The following UBR4 variants were observed in gnomAD, a reference collection of about 807,000 sequenced individuals.
UBR4 encodes the protein ubiquitin protein ligase E3 component n-recognin 4.
In UBR4, 124 loss-of-function variants were observed where a neutral mutation model predicts 575.6. That is an observed-to-expected ratio of 0.22 (90% CI 0.19 to 0.25). The LOEUF (loss-of-function observed/expected upper bound fraction) is 0.25. UBR4 is among the 10% of genes least tolerant of loss of function. The pLI is 1.00. For synonymous variants in UBR4, 2,455 were observed against 2,473.7 expected, an observed-to-expected ratio of 0.99 and a Z score of 0.22; for missense variants, 4,818 against 6,478.8, an observed-to-expected ratio of 0.74 and a Z score of 8.80.
Position 19,146,849 on chromosome 1 carries a change from G to T in UBR4, c.7781C>A (p.Ser2594Ter). Residue 2594 changes from serine to a stop codon, truncating the protein, a stop_gained, in exon 52 of 106, where the codon TCA becomes TAA. Transcript: ENST00000375254. LOFTEE classifies it high-confidence loss of function. Reference protein sequence around the residue: ...RPNNLVHFTESKLPQMETEGM... With the variant: ...RPNNLVHFTE ...ACCTGTTTCCATCTGGGGCAGCTTT[G>T]ACTCCGTAAAGTGGACAAGGTTGTT... The T allele has an allele frequency of 6.2e-7, 1 of 1,613,802 alleles. No individual in the cohort carries two copies. Among genetic ancestry groups the T allele is most frequent in the South Asian group, 1.1e-5 (1 of 91,014 alleles).
At position 19,084,843 on chromosome 1, in the gene UBR4, G is replaced by A. The variant is rs1202033013; in HGVS notation, c.14814-145C>T. The A allele has an allele frequency of 1.4e-5, 11 of 778,174 alleles. No individual in the cohort carries two copies. The East Asian group carries it at 2.8e-4, about 20-fold the overall frequency. 48.2% of individuals were successfully genotyped at this position (778,174 alleles called of 1,614,324 possible). The stretch of plus-strand genomic sequence containing the variant: ...AGACAAGAATACAAGGGAAAGTTGA[G>A]GCCAAGGCTGGGGCCAGCAGGACGA... On this transcript the variant is annotated intron_variant, in intron 101 of 105. Coordinates refer to ENST00000375254, the MANE Select transcript of UBR4 (RefSeq NM_020765.3).
chr1:19,171,431 T>C (rs1374947075), intron 25 of UBR4, among the ~76,000 whole-genome samples: 1 of 152,106 alleles, frequency 6.6e-6, no homozygotes, highest in African/African-American at 2.4e-5. Flanking sequence ...TCAAACAAAT[T>C]TGAGCCAAAA....
chr1:19,203,959 G>A (rs1458331705), intron 1 of UBR4, among the ~76,000 whole-genome samples: 2 of 151,866 alleles, frequency 1.3e-5, no homozygotes, highest in Non-Finnish European at 2.9e-5. Context: ...AAATCCCCCT[G>A]TTTCTACCTC....
intron 102 of UBR4, 58 bp downstream of exon 102, chr1:19,084,446 G>C: frequency 6.6e-7 from 1 of 1,523,112 alleles, no homozygotes; most frequent in South Asian, 1.3e-5. Context: ...GGGGATCTCG[G>C]GCAGAGGGAT....
intron 49 of UBR4, among the ~76,000 whole-genome samples, chr1:19,148,975 A>C (rs1165548346): frequency 6.6e-6 from 1 of 152,220 alleles, no homozygotes; most frequent in East Asian, 1.9e-4. Flanking sequence ...CCCAAAGCTC[A>C]GCTGCCCAGA....
At position 19,121,944 on chromosome 1, in the gene UBR4, G is replaced by C; in HGVS notation, c.9885C>G (p.Ile3295Met). ...QRTINWQKFCIKDDSVLYFLL... is the reference protein window; with the variant it reads ...QRTINWQKFCMKDDSVLYFLL... ...AGCAGCATTGCTTACAGTCATCTTT[G>C]ATGCAGAATTTCTGCCAGTTGATGG... The change falls in exon 67 of 106, where the codon ATC (isoleucine) becomes ATG (methionine). Residue 3295 changes from isoleucine to methionine, a missense_variant. By Grantham distance (10) the Ile-to-Met change is conservative. This residue lies in a region of UBR4 where 550 missense variants were observed against 791.5 expected (regional missense o/e 0.69). Transcript: ENST00000375254. 1 of 1,614,168 alleles carries C rather than the reference G, an allele frequency of 6.2e-7. No homozygotes were observed. Among genetic ancestry groups the C allele is most frequent in the African/African-American group, 1.3e-5 (1 of 75,052 alleles).
rs751993289 is a variant in UBR4, at chr1:19,146,871, T to G, written c.7759A>C (p.Asn2587His). The change falls in exon 52 of 106, where the codon AAC becomes CAC. Residue 2587 changes from asparagine (N) to histidine (H), a missense_variant. By Grantham distance (68) the Asn-to-His change is moderately conservative. This residue lies in a region of UBR4 where 340 missense variants were observed against 375.4 expected (regional missense o/e 0.91). Coordinates refer to ENST00000375254, the MANE Select transcript of UBR4 (RefSeq NM_020765.3). ...TTTGACTCCGTAAAGTGGACAAGGT[T>G]GTTGGGGCGCATGATGGCAATGGAG... ...ARSIAIMRPNNLVHFTESKLP... is the reference protein window; with the variant it reads ...ARSIAIMRPNHLVHFTESKLP... The G allele has an allele frequency of 1.2e-6, 2 of 1,613,986 alleles. No individual in the cohort carries two copies. The highest frequency in any genetic ancestry group is 1.7e-6 in the Non-Finnish European group (2 of 1,179,984).
At chr1:19,121,088 A>G in intron 68 of UBR4, 101 bp downstream of exon 68, 1 of 1,496,760 alleles carries the variant, frequency 6.7e-7, no homozygotes, top group Non-Finnish European at 9.0e-7. Flanking sequence ...AGTCCCCTCT[A>G]AATCAGGATT....
chr1:19,113,862 A>C (rs1231987577), intron 76 of UBR4, 35 bp from the exon 77 acceptor site: 3 of 1,613,970 alleles, frequency 1.9e-6, no homozygotes, highest in African/African-American at 1.3e-5. Flanking sequence ...CAGGCTCCCC[A>C]CCTAAGGTGA....
In UBR4 at chr1:19,093,830, G is replaced by A. The variant is rs2077762923; in HGVS notation, c.13937+119C>T. ...CCCAACTAGACTGAGCTCCTTAAAAGCCAGAACGAGGACACAAAAATCTAA... is the reference window on the plus strand; with the variant it reads ...CCCAACTAGACTGAGCTCCTTAAAAACCAGAACGAGGACACAAAAATCTAA... On this transcript the variant is annotated intron_variant, in intron 95 of 105. Transcript: ENST00000375254. The surrounding 1 kb of genome is among the most constrained non-coding windows in gnomAD (Gnocchi z 4.8). The A allele has an allele frequency of 8.3e-7, 1 of 1,201,740 alleles. No individual in the cohort carries two copies. Among genetic ancestry groups the A allele is most frequent in the African/African-American group, 1.5e-5 (1 of 64,986 alleles). 74.4% of individuals were successfully genotyped at this position (1,201,740 alleles called of 1,614,324 possible). A position where few individuals can be genotyped will look rare whatever the true frequency, so the allele number is the denominator to read the frequency against.
At chr1:19,097,986 G>A (rs928124002) in intron 90 of UBR4, among the ~76,000 whole-genome samples, 2 of 152,204 alleles carry the variant, frequency 1.3e-5, no homozygotes, top group African/African-American at 2.4e-5. Flanking sequence ...AAAGTTCCCT[G>A]TATGTCTGGC....
chr1:19,195,252 G>A (rs575903795), intron 8 of UBR4, among the ~76,000 whole-genome samples: 10 of 123,268 alleles, frequency 8.1e-5, no homozygotes, highest in Non-Finnish European at 1.6e-4. Flanking sequence ...GCGACTGAGC[G>A]AGACTCCATC....
intron 93 of UBR4, among the ~76,000 whole-genome samples, chr1:19,095,255 T>C (rs777319684): frequency 1.3e-5 from 2 of 152,204 alleles, no homozygotes; most frequent in Non-Finnish European, 2.9e-5. Flanking sequence ...TCTTTCCCAC[T>C]GGTGTGTAGT....
At chr1:19,091,902 G>A (rs1369552789) in intron 97 of UBR4, among the ~76,000 whole-genome samples, 3 of 151,904 alleles carry the variant, frequency 2.0e-5, no homozygotes, top group Non-Finnish European at 2.9e-5. Flanking sequence ...GCCAAAAACT[G>A]GCAACAATCC....
In UBR4 at chr1:19,197,980, T is replaced by C. The variant is rs377653870; in HGVS notation, c.718A>G (p.Ile240Val). Residue 240 changes from isoleucine to valine, a missense_variant, in exon 6 of 106, where the codon ATA becomes GTA. Around this residue, in one of 29 missense-constraint regions of UBR4, gnomAD observed 83 missense variants for 77.3 expected, o/e 1.07. Coordinates refer to ENST00000375254, the MANE Select transcript of UBR4 (RefSeq NM_020765.3). ...ASAIKTKNVF[I>V]AQNVASLQEL... ...TGAAGACTAGCCACGTTCTGAGCTATGAACACATTCTTGGTTTTGATAGCT... is the reference window on the plus strand; with the variant it reads ...TGAAGACTAGCCACGTTCTGAGCTACGAACACATTCTTGGTTTTGATAGCT... 1.9e-6 allele frequency: 3 copies of C among 1,614,218 alleles called. No homozygotes were observed. The highest frequency in any genetic ancestry group is 1.3e-5 in the African/African-American group (1 of 75,068).
rs369579169 is a variant in UBR4, at chr1:19,114,954, G to A, written c.11064-5C>T. On this transcript the variant is annotated splice_polypyrimidine_tract_variant and splice_region_variant and intron_variant, in intron 74 of 105. Transcript: ENST00000375254. ...TTTTCATCGTAGTTGATGGATCTGA[G>A]TAACCAAAGCGTTTGGGTCAGTAAG... The A allele has an allele frequency of 3.8e-5, 62 of 1,614,226 alleles. 1 individual carries two copies. In the Middle Eastern group the frequency reaches 9.9e-4, roughly 26 times the overall value.
In UBR4 at chr1:19,081,526, TC is replaced by T; in HGVS notation, c.15055del (p.Glu5019AsnfsTer46). On this transcript the variant is annotated frameshift_variant, in exon 103 of 106. Coordinates refer to ENST00000375254, the MANE Select transcript of UBR4 (RefSeq NM_020765.3). LOFTEE classifies it high-confidence loss of function. Reference sequence around the variant, plus strand: ...CTCCACCCACTTCTCCTTGGGCTGTTCCAGAAAGCCTTGGAGGTTCTTCTCT... The same window carrying T: ...CTCCACCCACTTCTCCTTGGGCTGTTCAGAAAGCCTTGGAGGTTCTTCTCT... The part of the protein sequence containing the change: ...REEKNLQGFL[E>X]QPKEKWVESA... The T allele has an allele frequency of 6.2e-7, 1 of 1,613,850 alleles. No homozygotes were observed. The highest frequency in any genetic ancestry group is 8.5e-7 in the Non-Finnish European group (1 of 1,179,958).
intron 17 of UBR4, among the ~76,000 whole-genome samples, chr1:19,180,456 C>T (rs2090808464): frequency 6.6e-6 from 1 of 151,504 alleles, no homozygotes; most frequent in African/African-American, 2.4e-5. Flanking sequence ...TGCCACGGCG[C>T]CCAGCCTCTA....
rs762284453 is a variant in UBR4 at position 19,076,862 on chromosome 1, G to A, written c.15365C>T (p.Ser5122Phe). The change falls in exon 105 of 106, where the codon TCT becomes TTT. Residue 5122 changes from serine to phenylalanine, a missense_variant. Physicochemically the swap from Ser to Phe is radical, Grantham distance 155. Coordinates refer to ENST00000375254, the MANE Select transcript of UBR4 (RefSeq NM_020765.3). ...GTTGTGGCGGATGTACTCAGCGAGA[G>A]AGCAGGACCAGCCTCCCTCTGTGTT... The part of the protein sequence containing the change: ...TSNTEGGWSC[S>F]LAEYIRHNDM... The A allele has an allele frequency of 1.0e-5, 16 of 1,605,338 alleles. No homozygotes were observed. The South Asian group carries it at 1.1e-4, about 11-fold the overall frequency.
Sources: allele counts gnomAD v4.1 joint callset (sites outside exome capture counted in the v4.1 genomes callset), GRCh38; gene constraint gnomAD v4.1.1; regional missense constraint gnomAD v4.1.1; non-coding constraint Gnocchi (gnomAD v3.1); transcripts MANE v1.5; gene names NCBI Gene and HGNC (gene_info 2026-07-23, HGNC 2026-07-21).